GGNBP2: variants seen among roughly 807,000 people sequenced by gnomAD.
The protein encoded by GGNBP2 is gametogenetin-binding protein 2.
In GGNBP2, 10 loss-of-function variants were observed where a neutral mutation model predicts 85.9. The observed-to-expected ratio is 0.12, with a 90% CI of 0.07 to 0.20. The LOEUF (loss-of-function observed/expected upper bound fraction) is 0.20. Ranked by LOEUF, GGNBP2 falls within the 10% of genes least tolerant of loss-of-function variation. GGNBP2 has a pLI of 1.00. For missense variants in GGNBP2, 595 were observed against 857.8 expected, an observed-to-expected ratio of 0.69 and a Z score of 3.83; for synonymous variants, 287 against 285.7, an observed-to-expected ratio of 1.00 and a Z score of -0.05.
intron 2 of GGNBP2, among the ~76,000 whole-genome samples, chr17:36,552,776 T>A (rs2074323036): frequency 6.6e-6 from 1 of 152,164 alleles, no homozygotes; most frequent in South Asian, 2.1e-4. Flanking sequence ...ATCCCAGCAC[T>A]TTGGGAGTCC....
chr17:36,563,215 A>G (rs1217533279), intron 5 of GGNBP2, among the ~76,000 whole-genome samples: 1 of 152,014 alleles, frequency 6.6e-6, no homozygotes, highest in East Asian at 1.9e-4. Flanking sequence ...GCATTGAGCC[A>G]AGATCGCACC....
intron 4 of GGNBP2, among the ~76,000 whole-genome samples, chr17:36,560,069 C>T (rs574238543): frequency 6.6e-6 from 1 of 152,190 alleles, no homozygotes; most frequent in South Asian, 2.1e-4. Context: ...TAACTCCTGG[C>T]CTCAGTCTCC....
At chr17:36,552,200 A>C (rs8081458) in intron 2 of GGNBP2, among the ~76,000 whole-genome samples, 2,786 of 152,316 alleles carry the variant, frequency 0.018, 33 homozygotes, top group Non-Finnish European at 0.027. Context: ...TGGCTCTAAA[A>C]GTTTATACCT....
intron 5 of GGNBP2, among the ~76,000 whole-genome samples, chr17:36,567,087 T>C (rs897583085): frequency 2.0e-5 from 3 of 152,168 alleles, no homozygotes; most frequent in African/African-American, 7.2e-5. Context: ...TTGTGGAAGA[T>C]TGGTCTGTGT....
intron 9 of GGNBP2, among the ~76,000 whole-genome samples, chr17:36,583,100 C>A (rs919667200): frequency 6.6e-6 from 1 of 151,976 alleles, no homozygotes; most frequent in African/African-American, 2.4e-5. Flanking sequence ...TGTTGCCAGG[C>A]TGGAGTGCAG....
At chr17:36,547,860 C>T (rs916152615) in intron 2 of GGNBP2, 1 of 152,206 alleles carries the variant, frequency 6.6e-6, no homozygotes. Context: ...GACTTCTGCA[C>T]AGTCATTGAA....
In GGNBP2 at chr17:36,545,629, G is replaced by C; in HGVS notation, c.-96G>C. ...GTTTGGCTGTTGCAGGCAGGAGCTG[G>C]GAGGAGGCGGCAGCGGCGGCGGCAG... On this transcript the variant is annotated 5_prime_UTR_variant, in exon 2 of 14. Transcript: ENST00000613102. The C allele has an allele frequency of 1.1e-6, 1 of 936,418 alleles. No homozygotes were observed. 58.0% of individuals were successfully genotyped at this position (936,418 alleles called of 1,614,324 possible).
chr17:36,585,807 G>T, intron 10 of GGNBP2, 33 bp from the exon 11 acceptor site: 1 of 1,592,000 alleles, frequency 6.3e-7, no homozygotes, highest in Non-Finnish European at 8.6e-7. Flanking sequence ...TTATTGGTAT[G>T]TTAATAGTAA....
chr17:36,586,295 T>A (rs1383193327), intron 12 of GGNBP2, 97 bp downstream of exon 12: 6 of 1,444,244 alleles, frequency 4.2e-6, no homozygotes, highest in Non-Finnish European at 3.6e-6. Context: ...CTGCTAGGAT[T>A]TACTTTTTTT....
At chr17:36,557,479 GTT>G in intron 4 of GGNBP2, 143 bp downstream of exon 4, 1 of 699,514 alleles carries the variant, frequency 1.4e-6, no homozygotes, top group East Asian at 2.7e-5. Flanking sequence ...TGGATGTAAA[GTT>G]TCAACTCTCC....
At chr17:36,577,749 T>C (rs1269596395) in intron 6 of GGNBP2, 4 of 571,622 alleles carry the variant, frequency 7.0e-6, no homozygotes, top group Non-Finnish European at 1.2e-5. Flanking sequence ...TGCCTCATTC[T>C]TTTAGGCTAT....
intron 13 of GGNBP2, 28 bp downstream of exon 13, chr17:36,587,273 C>T (rs1300683146): frequency 1.2e-6 from 2 of 1,609,014 alleles, no homozygotes; most frequent in Non-Finnish European, 1.7e-6. Flanking sequence ...TCTTACTGTA[C>T]ATAACTGTTT....
intron 2 of GGNBP2, 183 bp downstream of exon 2, chr17:36,546,000 G>T: frequency 1.8e-6 from 1 of 544,382 alleles, no homozygotes; most frequent in South Asian, 2.4e-5. Context: ...ACCTCTGTCG[G>T]CCCCAAGCCC....
chr17:36,574,143 A>G (rs55654069), intron 6 of GGNBP2, among the ~76,000 whole-genome samples: 7,643 of 152,280 alleles, frequency 0.05, 325 homozygotes, highest in East Asian at 0.16. Flanking sequence ...ATGTGATGAC[A>G]TTTTGGTCAG....
At chr17:36,581,974 C>T (rs2074655660) in intron 9 of GGNBP2, 1 of 152,248 alleles carries the variant, frequency 6.6e-6, no homozygotes, top group African/African-American at 2.4e-5. Flanking sequence ...ATCTCCCAGG[C>T]TCATGTCATC....
chr17:36,579,185 G>A, intron 7 of GGNBP2, 60 bp from the exon 8 acceptor site: 1 of 1,443,846 alleles, frequency 6.9e-7, no homozygotes, highest in Non-Finnish European at 9.6e-7. Context: ...TTGCAGCTGT[G>A]TTATCCATCT....
rs1374138649 is a variant in GGNBP2, at chr17:36,545,696, T to TGACGGTGGCAACGGCAGCGTCGGG, written c.-24_-1dup. The TGACGGTGGCAACGGCAGCGTCGGG allele has an allele frequency of 1.6e-5, 24 of 1,525,878 alleles. No homozygotes were observed. The highest frequency in any genetic ancestry group is 2.0e-5 in the Non-Finnish European group (23 of 1,124,044). 94.5% of individuals were successfully genotyped at this position (1,525,878 alleles called of 1,614,324 possible). A position where few individuals can be genotyped will look rare whatever the true frequency, so the allele number is the denominator to read the frequency against. ...GGCGGCGGCAGCTGGGAGGAGGTGG[T>TGACGGTGGCAACGGCAGCGTCGGG]GACGGTGGCAACGGCAGCGTCGGGG... On this transcript the variant is annotated 5_prime_UTR_variant, in exon 2 of 14. Transcript: ENST00000613102.
In GGNBP2 at chr17:36,585,850, A is replaced by C. The variant is rs2074695605; in HGVS notation, c.1377A>C (p.Pro459=). ...GSPKIKKGLS[P]HCNGSDCGYS... is the part of the protein sequence containing the mutation. ...TTGATTTATTCTCAGGCTTATCTCCACACTGTAATGGTAGTGATTGTGGAT... is the reference window on the plus strand; with the variant it reads ...TTGATTTATTCTCAGGCTTATCTCCCCACTGTAATGGTAGTGATTGTGGAT... The change falls in exon 11 of 14, where the codon CCA becomes CCC. Residue 459 remains proline, a synonymous_variant. Transcript: ENST00000613102. 6.2e-7 allele frequency: 1 copy of C among 1,613,276 alleles called. No individual in the cohort carries two copies. Among genetic ancestry groups the C allele is most frequent in the Middle Eastern group, 1.7e-4 (1 of 6,052 alleles).
At chr17:36,551,612 G>A (rs777526100) in intron 2 of GGNBP2, among the ~76,000 whole-genome samples, 9 of 151,760 alleles carry the variant, frequency 5.9e-5, no homozygotes, top group Admixed American at 2.6e-4. Context: ...TGGAGGCCTC[G>A]GAGAGTGGAT....
Sources: gnomAD v4.1 joint callset for allele counts (sites outside exome capture counted in the v4.1 genomes callset) on GRCh38, gnomAD v4.1.1 for gene constraint, MANE v1.5 for transcripts, NCBI Gene and HGNC (gene_info 2026-07-23, HGNC 2026-07-21) for gene names.